EIF4G3: variants seen among roughly 807,000 people sequenced by gnomAD.
EIF4G3 encodes the protein eIF-4-gamma 3.
Under a neutral mutation model 186.4 loss-of-function variants are expected in EIF4G3, and 34 were observed. That is an observed-to-expected ratio of 0.18 (90% confidence interval 0.14 to 0.24). The LOEUF is 0.24. Ranked by LOEUF, EIF4G3 falls within the 10% of genes least tolerant of loss-of-function variation. EIF4G3 has a pLI of 1.00. For synonymous variants in EIF4G3, 673 were observed against 679.5 expected (o/e 0.99, Z 0.15); for missense variants, 1,536 against 1,948.5 (o/e 0.79, Z 3.99).
intron 20 of EIF4G3, among the ~76,000 whole-genome samples, chr1:20,872,636 T>G (rs1414976879): frequency 6.6e-6 from 1 of 151,696 alleles, no homozygotes; most frequent in Non-Finnish European, 1.5e-5. Flanking sequence ...CCACTTAAAT[T>G]TCCTTCCAAA....
At chr1:21,150,650 T>C (rs1337504817) in intron 2 of EIF4G3, among the ~76,000 whole-genome samples, 1 of 152,230 alleles carries the variant, frequency 6.6e-6, no homozygotes, top group Non-Finnish European at 1.5e-5. Context: ...TGATTTCACT[T>C]TCCAAAATAG....
At chr1:20,955,030 A>G (rs2096367281) in intron 12 of EIF4G3, among the ~76,000 whole-genome samples, 1 of 152,202 alleles carries the variant, frequency 6.6e-6, no homozygotes, top group African/African-American at 2.4e-5. Context: ...AAGGAAGAGT[A>G]TTCCATGATC....
intron 3 of EIF4G3, among the ~76,000 whole-genome samples, chr1:21,084,344 G>A (rs2095889414): frequency 6.6e-6 from 1 of 152,098 alleles, no homozygotes; most frequent in Non-Finnish European, 1.5e-5. Flanking sequence ...GAGGAAGCAA[G>A]GCACGTCTTA....
At chr1:20,894,494 T>C (rs192430521) in intron 17 of EIF4G3, among the ~76,000 whole-genome samples, 68 of 152,312 alleles carry the variant, frequency 4.5e-4, no homozygotes, top group Admixed American at 1.0e-3. Flanking sequence ...GAGTTCTGGA[T>C]AAGCAGCTGC....
chr1:20,825,266 A>AG, intron 32 of EIF4G3, 68 bp from the exon 33 acceptor site: 1 of 1,227,074 alleles, frequency 8.1e-7, no homozygotes. Flanking sequence ...AAAAAAAAAA[A>AG]AAAAGATTTG....
intron 9 of EIF4G3, 96 bp from the exon 10 acceptor site, chr1:20,980,544 A>T: frequency 1.2e-6 from 1 of 835,274 alleles, no homozygotes; most frequent in Non-Finnish European, 1.8e-6. Flanking sequence ...TACAGAAAGT[A>T]AAGTTCTCTG....
Position 21,105,335 on chromosome 1 carries a change from CAGG to C in EIF4G3, c.-271-16125_-271-16123del, listed in dbSNP as rs2096596685. Among the ~76,000 whole-genome samples the C allele has an allele frequency of 2.6e-5, 4 of 152,014 alleles. No homozygotes were observed. The South Asian group carries it at 8.3e-4, about 31-fold the overall frequency. ...ATCCCAGCTACTCAGGTGGCTGAGGCAGGAGAATAACTTGAACCTGGGAGGTGG... is the reference window on the plus strand; with the variant it reads ...ATCCCAGCTACTCAGGTGGCTGAGGCAGAATAACTTGAACCTGGGAGGTGG... On this transcript the variant is annotated intron_variant, in intron 2 of 36. Transcript: ENST00000602326.
chr1:21,156,794 G>A (rs2097668912), intron 2 of EIF4G3, among the ~76,000 whole-genome samples: 1 of 152,148 alleles, frequency 6.6e-6, no homozygotes, highest in African/African-American at 2.4e-5. Context: ...GAAAAATTAG[G>A]CCGGGCACAG....
intron 18 of EIF4G3, chr1:20,892,625 A>T: frequency 6.5e-7 from 1 of 1,533,544 alleles, no homozygotes; most frequent in Non-Finnish European, 8.7e-7. Context: ...GCACCCCTAG[A>T]GGCAGGCTCT....
intron 14 of EIF4G3, among the ~76,000 whole-genome samples, chr1:20,914,238 G>GA (rs758939190): frequency 5.9e-5 from 9 of 151,976 alleles, no homozygotes; most frequent in Non-Finnish European, 1.3e-4. Flanking sequence ...TTAACCTTGT[G>GA]AATACGTAGC....
At chr1:20,991,041 G>T (rs2080980894) in intron 7 of EIF4G3, among the ~76,000 whole-genome samples, 1 of 152,156 alleles carries the variant, frequency 6.6e-6, no homozygotes, top group Non-Finnish European at 1.5e-5. Flanking sequence ...GTTAGAAAGG[G>T]ACAAGCTTTA....
chr1:21,138,684 G>A (rs1342836560), intron 2 of EIF4G3, among the ~76,000 whole-genome samples: 3 of 151,934 alleles, frequency 2.0e-5, no homozygotes, highest in Admixed American at 1.3e-4. Context: ...GATGGCACAC[G>A]CCTGTAATCC....
At chr1:20,988,198 A>C (rs951292024) in intron 7 of EIF4G3, 4 of 166,144 alleles carry the variant, frequency 2.4e-5, no homozygotes, top group African/African-American at 9.6e-5. Flanking sequence ...CCATAACATG[A>C]AAGTGCAAGG....
intron 33 of EIF4G3, among the ~76,000 whole-genome samples, chr1:20,820,519 G>T (rs1037628637): frequency 6.6e-6 from 1 of 152,166 alleles, no homozygotes; most frequent in Non-Finnish European, 1.5e-5. Flanking sequence ...GTGGAAGGGG[G>T]CAGGGTCCCC....
intron 14 of EIF4G3, 50 bp from the exon 15 acceptor site, chr1:20,905,021 G>A: frequency 2.2e-6 from 3 of 1,366,910 alleles, no homozygotes; most frequent in Non-Finnish European, 3.1e-6. Flanking sequence ...GTCATTCTGA[G>A]AAATATTAGG....
chr1:21,161,435 G>T (rs12139787), intron 2 of EIF4G3: 1 of 151,338 alleles, frequency 6.6e-6, no homozygotes, highest in African/African-American at 2.4e-5. Context: ...CCTGGGAGGC[G>T]GAGGTTGCAG....
At chr1:21,036,230 C>A (rs774242865) in intron 4 of EIF4G3, among the ~76,000 whole-genome samples, 1 of 151,736 alleles carries the variant, frequency 6.6e-6, no homozygotes, top group African/African-American at 2.4e-5. Context: ...TCCTCTCTGC[C>A]GAGAGTCGAA....
In EIF4G3 at chr1:21,135,434, G is replaced by T. The variant is rs141574114; in HGVS notation, c.-272+40741C>A. Among the ~76,000 whole-genome samples the T allele has an allele frequency of 4.2e-3, 646 of 152,352 alleles. 3 individuals carry two copies. The highest frequency in any genetic ancestry group is 0.014 in the African/African-American group (583 of 41,588). On this transcript the variant is annotated intron_variant, in intron 2 of 36. Coordinates refer to ENST00000602326, the MANE Select transcript of EIF4G3 (RefSeq NM_001391906.1). ...GAGAATCACTTGAACCTGGGAGGCA[G>T]AGGTTGCAATGAACCGAGATCGTGG...
chr1:21,033,589 T>C (rs1027222468), intron 4 of EIF4G3, among the ~76,000 whole-genome samples: 1 of 152,218 alleles, frequency 6.6e-6, no homozygotes, highest in African/African-American at 2.4e-5. Context: ...GGAATAAGGT[T>C]CAATTTATGA....
Sources: allele counts gnomAD v4.1 joint callset (sites outside exome capture counted in the v4.1 genomes callset), GRCh38; gene constraint gnomAD v4.1.1; transcripts MANE v1.5; gene names NCBI Gene and HGNC (gene_info 2026-07-23, HGNC 2026-07-21).